The following TUSC3 variants were observed in gnomAD, a reference collection of about 807,000 sequenced individuals.
The protein encoded by TUSC3 is dolichyl-diphosphooligosaccharide--protein glycosyltransferase subunit TUSC3.
TUSC3 carries 45 observed loss-of-function variants against 44.8 expected under a neutral mutation model. The observed-to-expected ratio is 1.00, with a 90% CI of 0.79 to 1.29. The LOEUF (loss-of-function observed/expected upper bound fraction) is 1.29, where lower values mean the gene tolerates loss of function less well. TUSC3 is among the 50% of genes most tolerant of loss of function. The pLI is 0.00. For missense variants in TUSC3, 519 were observed against 437.9 expected (o/e 1.19, Z -1.65); for synonymous variants, 212 against 152.9 (o/e 1.39, Z -2.85).
chr8:15,669,333 A>G (rs959520824), intron 5 of TUSC3, among the ~76,000 whole-genome samples: 2 of 151,778 alleles, frequency 1.3e-5, no homozygotes, highest in African/African-American at 4.8e-5. Context: ...AGACGGAATA[A>G]TACTCACCTT....
chr8:15,466,875 G>T (rs1193142198), intron 1 of TUSC3, among the ~76,000 whole-genome samples: 1 of 152,066 alleles, frequency 6.6e-6, no homozygotes, highest in East Asian at 1.9e-4. Context: ...CACTCAGAGG[G>T]CCATTGATAA....
At chr8:15,568,964 C>A (rs916335619) in intron 1 of TUSC3, among the ~76,000 whole-genome samples, 4 of 151,776 alleles carry the variant, frequency 2.6e-5, no homozygotes, top group Non-Finnish European at 1.5e-5. Context: ...TTTAGTCATT[C>A]AGGAGGAAAT....
chr8:15,841,032 A>G, the TUSC3 span, among the ~76,000 whole-genome samples: 1 of 152,194 alleles, frequency 6.6e-6, no homozygotes, highest in Admixed American at 6.5e-5. Context: ...GAGTCCCTTT[A>G]GTCCAATTAA....
chr8:15,464,501 A>C (rs931892873), intron 1 of TUSC3, among the ~76,000 whole-genome samples: 1 of 152,180 alleles, frequency 6.6e-6, no homozygotes. Flanking sequence ...GATGCTTTCT[A>C]TCTAGTGATC....
chr8:15,518,195 C>G (rs1485037416), intron 2 of TUSC3, among the ~76,000 whole-genome samples: 1 of 152,050 alleles, frequency 6.6e-6, no homozygotes, highest in Admixed American at 6.6e-5. Flanking sequence ...ATCCTCCTTT[C>G]TAGTTTTATG....
chr8:15,790,462 C>G, the TUSC3 span, among the ~76,000 whole-genome samples: 1 of 152,030 alleles, frequency 6.6e-6, no homozygotes, highest in Non-Finnish European at 1.5e-5. Context: ...GGATTACAGG[C>G]ATGAGCCACC....
intron 1 of TUSC3, among the ~76,000 whole-genome samples, chr8:15,602,652 A>G (rs943979232): frequency 7.2e-6 from 1 of 138,272 alleles, no homozygotes; most frequent in African/African-American, 2.7e-5. Flanking sequence ...GGTTGTGAAG[A>G]TTAAAATATT....
At chr8:15,806,560 TC>T in the TUSC3 span, 7 of 1,448,844 alleles carry the variant, frequency 4.8e-6, no homozygotes, top group Admixed American at 1.7e-5. Context: ...GCTCTTCATT[TC>T]CCATAACATC....
At chr8:15,573,963 T>G (rs1802991765) in intron 1 of TUSC3, among the ~76,000 whole-genome samples, 1 of 152,160 alleles carries the variant, frequency 6.6e-6, no homozygotes, top group South Asian at 2.1e-4. Context: ...AGAAGCTGAC[T>G]AAACCAGTCC....
At chr8:15,700,474 A>T (rs966149373) in intron 6 of TUSC3, among the ~76,000 whole-genome samples, 3 of 152,156 alleles carry the variant, frequency 2.0e-5, no homozygotes, top group Non-Finnish European at 4.4e-5. Flanking sequence ...CCTTTTCCTT[A>T]GGCTGGATAT....
chr8:15,583,522 G>C (rs57656934), intron 1 of TUSC3, among the ~76,000 whole-genome samples: 3,980 of 152,230 alleles, frequency 0.026, 182 homozygotes, highest in African/African-American at 0.09. Context: ...CTATGGTTAA[G>C]GCTTTTTCTT....
intron 1 of TUSC3, among the ~76,000 whole-genome samples, chr8:15,622,204 C>T (rs1230937945): frequency 1.3e-5 from 2 of 152,120 alleles, no homozygotes; most frequent in African/African-American, 4.8e-5. Context: ...GTTTCTTTGT[C>T]TTGTAGGAAT....
At chr8:15,609,280 C>G (rs1804661135) in intron 1 of TUSC3, among the ~76,000 whole-genome samples, 1 of 152,110 alleles carries the variant, frequency 6.6e-6, no homozygotes, top group South Asian at 2.1e-4. Context: ...ACAATGACTT[C>G]TAAAGCAGTG....
chr8:15,514,905 A>G (rs559027258), intron 2 of TUSC3, among the ~76,000 whole-genome samples: 2 of 152,296 alleles, frequency 1.3e-5, no homozygotes, highest in East Asian at 3.9e-4. Flanking sequence ...ACTATATTTT[A>G]TAGTTGTGGT....
chr8:15,515,193 GT>G (rs1264594407), intron 2 of TUSC3, among the ~76,000 whole-genome samples: 2 of 152,090 alleles, frequency 1.3e-5, no homozygotes, highest in Non-Finnish European at 2.9e-5. Flanking sequence ...CTACTTGGGA[GT>G]TGAATTTTAG....
chr8:15,826,229 G>C, the TUSC3 span, among the ~76,000 whole-genome samples: 2 of 152,058 alleles, frequency 1.3e-5, no homozygotes, highest in Non-Finnish European at 2.9e-5. Context: ...GCTGCAGTGG[G>C]AATTTTGAAA....
At chr8:15,536,257 A>G (rs1399979897), upstream of TUSC3, among the ~76,000 whole-genome samples, 1 of 152,210 alleles carries the variant, frequency 6.6e-6, no homozygotes, top group African/African-American at 2.4e-5. Context: ...ATGTTAGGAA[A>G]GGTTGCCAGG....
chr8:15,498,705 G>T (rs1365899111), intron 2 of TUSC3, among the ~76,000 whole-genome samples: 2 of 152,114 alleles, frequency 1.3e-5, no homozygotes, highest in Non-Finnish European at 2.9e-5. Context: ...TGCTGATTCT[G>T]GTTTGTTCGA....
chr8:15,485,634 A>C (rs916029672), intron 2 of TUSC3, among the ~76,000 whole-genome samples: 1 of 151,762 alleles, frequency 6.6e-6, no homozygotes, highest in East Asian at 1.9e-4. Flanking sequence ...TTCTATCTCT[A>C]CTCCAAAACC....
Sources: gnomAD v4.1 joint callset for allele counts (sites outside exome capture counted in the v4.1 genomes callset) on GRCh38, gnomAD v4.1.1 for gene constraint, MANE v1.5 for transcripts, NCBI Gene and HGNC (gene_info 2026-07-23, HGNC 2026-07-21) for gene names.